The following SRPX variants were observed in gnomAD, a reference collection of about 807,000 sequenced individuals.
SRPX encodes sushi repeat-containing protein SRPX.
A neutral mutation model predicts 38.1 loss-of-function variants in SRPX; 24 were observed. The ratio of observed to expected loss-of-function variants is 0.63; its 90% CI spans 0.46 to 0.89. The LOEUF (loss-of-function observed/expected upper bound fraction) is 0.89. Among genes scored for constraint, SRPX ranks in the 40% least tolerant of loss-of-function variants. SRPX has a pLI of 0.00. For synonymous variants in SRPX, 184 were observed against 153.8 expected, an observed-to-expected ratio of 1.20 and a Z score of -1.45; for missense variants, 416 against 377.8, an observed-to-expected ratio of 1.10 and a Z score of -0.84.
chrX:38,209,500 T>C (rs897963367), intron 1 of SRPX, among the ~76,000 whole-genome samples: 11 of 111,824 alleles, frequency 9.8e-5, no homozygotes, highest in African/African-American at 3.3e-4. Flanking sequence ...GGGAGTGAGC[T>C]GAGCTTTGAG....
intron 5 of SRPX, among the ~76,000 whole-genome samples, chrX:38,164,077 A>AT (rs908586946): frequency 1.9e-5 from 2 of 107,478 alleles, no homozygotes; most frequent in African/African-American, 3.4e-5. Flanking sequence ...CTTCTTTTAC[A>AT]TTTTTTTTAT....
chrX:38,169,650 T>C (rs1287172533), intron 4 of SRPX, among the ~76,000 whole-genome samples: 1 of 112,487 alleles, frequency 8.9e-6, no homozygotes, highest in East Asian at 2.8e-4. Flanking sequence ...GTTAAAGTAA[T>C]TAAATGGATA....
chrX:38,169,615 A>C (rs1234954622), intron 4 of SRPX, among the ~76,000 whole-genome samples: 1 of 112,428 alleles, frequency 8.9e-6, no homozygotes, highest in African/African-American at 3.2e-5. Context: ...ACAGGGCAAA[A>C]AGGAAAGTTT....
chrX:38,217,561 C>T (rs1043375936), intron 1 of SRPX, among the ~76,000 whole-genome samples: 1 of 111,827 alleles, frequency 8.9e-6, no homozygotes, highest in African/African-American at 3.3e-5. Flanking sequence ...CAACTGAGAA[C>T]TTTTTACTTG....
intron 2 of SRPX, among the ~76,000 whole-genome samples, chrX:38,175,909 C>T (rs1311481746): frequency 8.9e-6 from 1 of 111,777 alleles, no homozygotes; most frequent in Non-Finnish European, 1.9e-5. Context: ...TTAATATAAT[C>T]TGTATGTACT....
intron 1 of SRPX, among the ~76,000 whole-genome samples, chrX:38,215,878 C>A (rs1939415173): frequency 8.9e-6 from 1 of 112,056 alleles, no homozygotes; most frequent in Non-Finnish European, 1.9e-5. Context: ...ATACAGCTGG[C>A]TGTAACTGGA....
intron 1 of SRPX, among the ~76,000 whole-genome samples, chrX:38,181,690 G>T (rs906144603): frequency 1.1e-4 from 12 of 111,928 alleles, no homozygotes; most frequent in African/African-American, 3.9e-4. Context: ...TTCCAATTTT[G>T]TGAGTACCTT....
chrX:38,150,104 C>T (rs1459350438), intron 9 of SRPX, among the ~76,000 whole-genome samples: 5 of 111,465 alleles, frequency 4.5e-5, no homozygotes, highest in Admixed American at 3.8e-4. Flanking sequence ...ACTCTCATGC[C>T]CAACCCCAAA....
intron 9 of SRPX, among the ~76,000 whole-genome samples, chrX:38,153,302 C>CTTTTTTTTTTTTTTTTTTTT (rs58888978): frequency 3.7e-5 from 2 of 54,740 alleles, no homozygotes; most frequent in Non-Finnish European, 6.4e-5. Flanking sequence ...TTCTTTCTTT[C>CTTTTTTTTTTTTTTTTTTTT]TTTTTTTTTT....
intron 5 of SRPX, among the ~76,000 whole-genome samples, chrX:38,164,324 G>T (rs1938323036): frequency 9.1e-6 from 1 of 110,250 alleles, no homozygotes; most frequent in Non-Finnish European, 1.9e-5. Context: ...TGTATTTTTA[G>T]TAGAGATGGG....
chrX:38,188,211 C>A (rs989583861), intron 1 of SRPX, among the ~76,000 whole-genome samples: 1 of 111,967 alleles, frequency 8.9e-6, no homozygotes, highest in South Asian at 3.7e-4. Context: ...TTAGTCTAAA[C>A]CTTTTGCTAA....
At chrX:38,199,159 C>T (rs765042156) in intron 1 of SRPX, among the ~76,000 whole-genome samples, 148 of 112,061 alleles carry the variant, frequency 1.3e-3, no homozygotes, top group Non-Finnish European at 2.4e-3. Context: ...GTAATCCCAG[C>T]ACTTTGGGAG....
intron 1 of SRPX, among the ~76,000 whole-genome samples, chrX:38,191,400 T>G (rs1215701197): frequency 8.9e-6 from 1 of 111,982 alleles, no homozygotes; most frequent in Non-Finnish European, 1.9e-5. Flanking sequence ...TAGTGAGCCA[T>G]TCCATAAATT....
At chrX:38,170,362 C>G (rs141217343) in intron 4 of SRPX, among the ~76,000 whole-genome samples, 1 of 112,331 alleles carries the variant, frequency 8.9e-6, no homozygotes, top group African/African-American at 3.2e-5. Context: ...AACACAAAAA[C>G]AAATTTATTA....
chrX:38,151,643 G>A (rs1938017588), intron 9 of SRPX, among the ~76,000 whole-genome samples: 2 of 111,308 alleles, frequency 1.8e-5, no homozygotes, highest in Admixed American at 1.9e-4. Context: ...TGGATCAGCA[G>A]GCTAGCAGCA....
At chrX:38,168,558 G>GT (rs751516770) in intron 4 of SRPX, among the ~76,000 whole-genome samples, 1 of 112,464 alleles carries the variant, frequency 8.9e-6, no homozygotes, top group Admixed American at 9.4e-5. Context: ...GAGCCACTAA[G>GT]TTTTGTGTGG....
At chrX:38,173,929 A>C (rs941340265) in intron 3 of SRPX, among the ~76,000 whole-genome samples, 1 of 111,890 alleles carries the variant, frequency 8.9e-6, no homozygotes, top group Non-Finnish European at 1.9e-5. Flanking sequence ...AACAAATGTA[A>C]CTCATTTTCT....
chrX:38,172,906 G>T (rs139790475), intron 3 of SRPX, among the ~76,000 whole-genome samples: 1 of 112,311 alleles, frequency 8.9e-6, no homozygotes. Flanking sequence ...GAGAGAGAGA[G>T]AGCGAGTGGG....
chrX:38,172,390 T>C (rs1414490994), intron 3 of SRPX, among the ~76,000 whole-genome samples: 1 of 112,492 alleles, frequency 8.9e-6, no homozygotes, highest in Non-Finnish European at 1.9e-5. Context: ...GAGGCAGAGG[T>C]TGCGGCGAGC....
Sources: gnomAD v4.1 joint callset for allele counts (sites outside exome capture counted in the v4.1 genomes callset) on GRCh38, gnomAD v4.1.1 for gene constraint, MANE v1.5 for transcripts, NCBI Gene and HGNC (gene_info 2026-07-23, HGNC 2026-07-21) for gene names.